ZNF665: variants seen among roughly 807,000 people sequenced by gnomAD.
ZNF665 encodes zinc finger protein 665.
A neutral mutation model predicts 7.9 loss-of-function variants in ZNF665; 6 were observed. That is an observed-to-expected ratio of 0.76 (90% CI 0.42 to 1.50). The LOEUF (loss-of-function observed/expected upper bound fraction) is 1.50. ZNF665 is among the 40% of genes most tolerant of loss of function. ZNF665 has a pLI of 0.01. For missense variants in ZNF665, 819 were observed against 806.7 expected, an observed-to-expected ratio of 1.02 and a Z score of -0.18; for synonymous variants, 242 against 274.5, an observed-to-expected ratio of 0.88 and a Z score of 1.17.
At chr19:53,190,402 G>A (rs989769549) in intron 1 of ZNF665, 1 of 152,200 alleles carries the variant, frequency 6.6e-6, no homozygotes, top group African/African-American at 2.4e-5. Context: ...TCACCAAAAT[G>A]TGTGCAGTTT....
At chr19:53,184,113 G>A (rs901598231) in intron 1 of ZNF665, among the ~76,000 whole-genome samples, 1 of 152,024 alleles carries the variant, frequency 6.6e-6, no homozygotes, top group Non-Finnish European at 1.5e-5. Flanking sequence ...AGTCAGGTGT[G>A]TTGGTACGTG....
At position 53,171,671 on chromosome 19, in the gene ZNF665, G is replaced by C. The variant is rs945835619; in HGVS notation, c.142+3774C>G. Among the ~76,000 whole-genome samples, 4 of 151,388 alleles carry C rather than the reference G, an allele frequency of 2.6e-5. No individual in the cohort carries two copies. The East Asian group carries it at 7.7e-4, about 29-fold the overall frequency. ...AGCCTCCCGAGTAGCTGGGATTACA[G>C]GTGCCTGCCACCACGCCCAGCTGAT... On this transcript the variant is annotated intron_variant, in intron 3 of 3. Transcript: ENST00000396424.
Position 53,166,199 on chromosome 19 carries a change from G to A in ZNF665, c.291C>T (p.Asp97=), listed in dbSNP as rs1599870479. ...SFQEVQKNTY[D]FECQWKDDEG... The stretch of plus-strand genomic sequence containing the variant: ...CATCATCTTTCCACTGACACTCAAA[G>A]TCGTATGTATTTTTCTGAACTTCCT... The change falls in exon 4 of 4, where the codon GAC becomes GAT. Residue 97 remains aspartate, a synonymous_variant. Coordinates refer to ENST00000396424, the MANE Select transcript of ZNF665 (RefSeq NM_024733.5). The A allele has an allele frequency of 1.2e-6, 2 of 1,613,892 alleles. No homozygotes were observed. The highest frequency in any genetic ancestry group is 1.7e-6 in the Non-Finnish European group (2 of 1,179,876).
intron 3 of ZNF665, among the ~76,000 whole-genome samples, chr19:53,173,767 T>G (rs1196321293): frequency 2.6e-5 from 4 of 152,132 alleles, no homozygotes; most frequent in Non-Finnish European, 5.9e-5. Flanking sequence ...TAATACAGTT[T>G]GAAGTAAGGT....
chr19:53,175,685 C>T, intron 2 of ZNF665, 114 bp from the exon 3 acceptor site: 1 of 1,191,462 alleles, frequency 8.4e-7, no homozygotes, highest in East Asian at 2.6e-5. Context: ...AGCAGACTGA[C>T]ACATCCAGGC....
chr19:53,168,656 AAAG>A (rs1449205420), intron 3 of ZNF665, among the ~76,000 whole-genome samples: 2 of 152,210 alleles, frequency 1.3e-5, no homozygotes, highest in Non-Finnish European at 2.9e-5. Context: ...CAATTTTGAT[AAAG>A]AAGAAAGTTG....
At chr19:53,184,786 A>T (rs117037761) in intron 1 of ZNF665, among the ~76,000 whole-genome samples, 1 of 151,168 alleles carries the variant, frequency 6.6e-6, no homozygotes, top group Non-Finnish European at 1.5e-5. Flanking sequence ...CCCGAATGCC[A>T]GGCCGCGCTG....
At chr19:53,177,570 C>A (rs565873567) in intron 2 of ZNF665, among the ~76,000 whole-genome samples, 2 of 151,404 alleles carry the variant, frequency 1.3e-5, no homozygotes, top group Admixed American at 6.6e-5. Context: ...CAAAACAAAA[C>A]AAAAAAACCC....
At position 53,164,340 on chromosome 19, in the gene ZNF665, G is replaced by T; in HGVS notation, c.*113C>A. On this transcript the variant is annotated 3_prime_UTR_variant, in exon 4 of 4. Transcript: ENST00000396424. ...TTTAGTAGAGACAGCGTTTCACCGT[G>T]TTGGCCAGCCTGGTCTCGAACTCGA... 1.2e-6 allele frequency: 1 copy of T among 824,158 alleles called. No individual in the cohort carries two copies. Among genetic ancestry groups the T allele is most frequent in the South Asian group, 2.0e-5 (1 of 49,916 alleles). The allele number at this position is 824,158 out of a possible 1,614,324, so 51.1% of individuals were successfully genotyped here.
At chr19:53,168,740 C>T (rs578128783) in intron 3 of ZNF665, among the ~76,000 whole-genome samples, 36 of 151,958 alleles carry the variant, frequency 2.4e-4, no homozygotes, top group Non-Finnish European at 1.5e-5. Context: ...GTTGATTAGA[C>T]AAATATCAAA....
At chr19:53,192,741 G>C (rs927314340) in intron 1 of ZNF665, among the ~76,000 whole-genome samples, 1 of 152,110 alleles carries the variant, frequency 6.6e-6, no homozygotes, top group Non-Finnish European at 1.5e-5. Context: ...GGTGGAGCTG[G>C]GCAGGCAAGA....
chr19:53,168,682 T>A (rs2090635905), intron 3 of ZNF665, among the ~76,000 whole-genome samples: 1 of 152,192 alleles, frequency 6.6e-6, no homozygotes, highest in African/African-American at 2.4e-5. Flanking sequence ...ACACTATCAC[T>A]ACCTGCTTTC....
chr19:53,183,241 C>G (rs901974273), intron 1 of ZNF665, among the ~76,000 whole-genome samples: 2 of 152,122 alleles, frequency 1.3e-5, no homozygotes, highest in Non-Finnish European at 2.9e-5. Context: ...AGCTTCTGTT[C>G]GGGGCACAGA....
At chr19:53,173,289 A>C (rs1296899494) in intron 3 of ZNF665, among the ~76,000 whole-genome samples, 1 of 151,968 alleles carries the variant, frequency 6.6e-6, no homozygotes, top group East Asian at 1.9e-4. Flanking sequence ...CTTATTGAAA[A>C]AACTGTCCTT....
chr19:53,179,735 T>C (rs7253428), intron 2 of ZNF665: 67,114 of 152,100 alleles, frequency 0.44, 15,717 homozygotes, highest in East Asian at 0.6. Flanking sequence ...TCATGGGAAC[T>C]TCAACTTGAA....
intron 3 of ZNF665, among the ~76,000 whole-genome samples, chr19:53,167,392 G>A (rs918789691): frequency 6.6e-6 from 1 of 151,992 alleles, no homozygotes; most frequent in Non-Finnish European, 1.5e-5. Context: ...CAGGATATAA[G>A]CAGTAGGCAA....
At chr19:53,179,047 G>A (rs2090717804) in intron 2 of ZNF665, among the ~76,000 whole-genome samples, 1 of 152,080 alleles carries the variant, frequency 6.6e-6, no homozygotes, top group Admixed American at 6.6e-5. Flanking sequence ...GGAAATTTGG[G>A]TAGAATCAAA....
Position 53,164,456 on chromosome 19 carries a change from T to C in ZNF665, c.2034A>G (p.Gly678=). The change falls in exon 4 of 4, where the codon GGA becomes GGG. Residue 678 remains glycine, a synonymous_variant. Transcript: ENST00000396424. ...CCCGGCGTCCTTTGTAAGGTTTCTA[T>C]CCACTATGAATTCTTCGATGTTTTG... The part of the protein sequence containing the change: ...NLAKHRRIHS[G] 1.3e-6 allele frequency: 2 copies of C among 1,581,722 alleles called. No homozygotes were observed. Among genetic ancestry groups the C allele is most frequent in the Non-Finnish European group, 1.7e-6 (2 of 1,164,372 alleles).
intron 3 of ZNF665, among the ~76,000 whole-genome samples, chr19:53,167,593 C>T (rs2090625572): frequency 6.7e-6 from 1 of 149,776 alleles, no homozygotes. Context: ...ACTACAGGCG[C>T]CCGCCACCGC....
Sources: allele counts gnomAD v4.1 joint callset (sites outside exome capture counted in the v4.1 genomes callset), GRCh38; gene constraint gnomAD v4.1.1; transcripts MANE v1.5; gene names NCBI Gene and HGNC (gene_info 2026-07-23, HGNC 2026-07-21).